Variants in ATG10 observed in about 807,000 individuals in gnomAD.
The protein encoded by ATG10 is ubiquitin-like-conjugating enzyme ATG10.
ATG10 carries 30 observed loss-of-function variants against 32.1 expected under a neutral mutation model. The observed-to-expected ratio is 0.94, with a 90% CI of 0.70 to 1.27. ATG10 has a LOEUF of 1.27. ATG10 is among the 50% of genes most tolerant of loss of function. ATG10 has a pLI of 0.00. For missense variants in ATG10, 233 were observed against 262.3 expected (o/e 0.89, Z 0.77); for synonymous variants, 87 against 91.5 (o/e 0.95, Z 0.28).
intron 5 of ATG10, among the ~76,000 whole-genome samples, chr5:82,181,343 A>G (rs1744225292): frequency 6.6e-6 from 1 of 152,170 alleles, no homozygotes; most frequent in Admixed American, 6.6e-5. Context: ...CAGACCAAGT[A>G]GGGGAAACTC....
intron 2 of ATG10, among the ~76,000 whole-genome samples, chr5:82,018,747 C>T (rs1762358886): frequency 6.6e-6 from 1 of 152,152 alleles, no homozygotes; most frequent in Admixed American, 6.5e-5. Context: ...TGCTCACATG[C>T]CACCTCCTTA....
chr5:82,021,321 T>C (rs778669245), intron 2 of ATG10, among the ~76,000 whole-genome samples: 6 of 152,282 alleles, frequency 3.9e-5, no homozygotes, highest in Non-Finnish European at 7.4e-5. Flanking sequence ...ACTTTTATTA[T>C]ATAGTCATCC....
rs369013665 is a variant in ATG10, at chr5:82,077,916, G to A, written c.216+19314G>A. 5.3e-5 allele frequency among the ~76,000 whole-genome samples: 8 copies of A among 152,320 alleles called. No individual in the cohort carries two copies. In the East Asian group the frequency reaches 1.5e-3, roughly 29 times the overall value. On this transcript the variant is annotated intron_variant, in intron 3 of 7. Transcript: ENST00000282185. Reference sequence around the variant, plus strand: ...TATAGGTTCTGATCTTTCACTGACTGTAGTACAAGTAAGGGATGAAATCAC... The same window carrying A: ...TATAGGTTCTGATCTTTCACTGACTATAGTACAAGTAAGGGATGAAATCAC...
chr5:82,084,111 A>C (rs1285164980), intron 3 of ATG10, among the ~76,000 whole-genome samples: 1 of 152,208 alleles, frequency 6.6e-6, no homozygotes, highest in Non-Finnish European at 1.5e-5. Flanking sequence ...GGCTAACTAG[A>C]ATAAACAGTG....
At chr5:82,045,799 T>C (rs1763218245) in intron 2 of ATG10, among the ~76,000 whole-genome samples, 1 of 152,130 alleles carries the variant, frequency 6.6e-6, no homozygotes, top group African/African-American at 2.4e-5. Flanking sequence ...CTTCCCTTCT[T>C]GTCCCTCCTC....
intron 3 of ATG10, among the ~76,000 whole-genome samples, chr5:82,131,607 T>C (rs1161971575): frequency 1.3e-5 from 2 of 150,908 alleles, no homozygotes; most frequent in East Asian, 2.0e-4. Context: ...ATCCAACTTA[T>C]GGAGGAGAGA....
intron 5 of ATG10, among the ~76,000 whole-genome samples, chr5:82,249,565 A>G (rs1287848338): frequency 6.6e-6 from 1 of 152,162 alleles, no homozygotes; most frequent in African/African-American, 2.4e-5. Flanking sequence ...GTATTATCTC[A>G]TTGAAGGGTC....
intron 4 of ATG10, among the ~76,000 whole-genome samples, chr5:82,167,179 C>CCATGT (rs940957232): frequency 6.6e-5 from 10 of 152,096 alleles, no homozygotes; most frequent in African/African-American, 1.9e-4. Context: ...CTTGTCGCTC[C>CCATGT]CATGTCATGT....
chr5:81,999,143 CAAAA>C (rs370637760), intron 2 of ATG10, among the ~76,000 whole-genome samples: 7 of 116,534 alleles, frequency 6.0e-5, no homozygotes, highest in Non-Finnish European at 9.1e-5. Context: ...AATCCTCAGC[CAAAA>C]AAAAAAAAAA....
chr5:81,981,488 C>T (rs1761046799), intron 1 of ATG10, among the ~76,000 whole-genome samples: 1 of 152,022 alleles, frequency 6.6e-6, no homozygotes, highest in Non-Finnish European at 1.5e-5. Flanking sequence ...ATGTTTAACT[C>T]TCCTACCTGA....
intron 3 of ATG10, among the ~76,000 whole-genome samples, chr5:82,083,981 A>G (rs543851435): frequency 1.3e-4 from 20 of 152,314 alleles, no homozygotes; most frequent in East Asian, 3.9e-4. Context: ...GAGAATGACT[A>G]TGACGCGTTG....
chr5:81,993,383 CT>C (rs1355845000), intron 2 of ATG10, among the ~76,000 whole-genome samples: 4,136 of 84,898 alleles, frequency 0.049, 629 homozygotes, highest in African/African-American at 0.17. Context: ...CTTTTCTTTT[CT>C]TTTCTTTTTT....
intron 1 of ATG10, among the ~76,000 whole-genome samples, chr5:81,978,962 C>T (rs1006270858): frequency 3.3e-5 from 5 of 151,946 alleles, no homozygotes; most frequent in Non-Finnish European, 5.9e-5. Context: ...TGCAGTGGCA[C>T]AATCTTAGCT....
chr5:82,137,450 T>C (rs995491681), intron 3 of ATG10, among the ~76,000 whole-genome samples: 1 of 152,252 alleles, frequency 6.6e-6, no homozygotes, highest in African/African-American at 2.4e-5. Flanking sequence ...TGTTTCTTAC[T>C]GTCCTTCTAA....
At chr5:82,192,484 A>T (rs1462426225) in intron 5 of ATG10, among the ~76,000 whole-genome samples, 1 of 152,188 alleles carries the variant, frequency 6.6e-6, no homozygotes, top group Non-Finnish European at 1.5e-5. Flanking sequence ...TGGGCTCTGG[A>T]GTCAGAAACA....
intron 5 of ATG10, among the ~76,000 whole-genome samples, chr5:82,228,793 G>A (rs1217032103): frequency 6.6e-6 from 1 of 152,178 alleles, no homozygotes; most frequent in Non-Finnish European, 1.5e-5. Context: ...TTTAGGTGAT[G>A]CAAACAAGTT....
intron 2 of ATG10, among the ~76,000 whole-genome samples, chr5:81,988,166 T>C (rs1761344320): frequency 1.3e-5 from 2 of 152,202 alleles, no homozygotes; most frequent in Admixed American, 1.3e-4. Flanking sequence ...TGAGATCATC[T>C]CACTCTGTCC....
chr5:82,212,695 A>G (rs1478702771), intron 5 of ATG10, among the ~76,000 whole-genome samples: 1 of 152,190 alleles, frequency 6.6e-6, no homozygotes, highest in Non-Finnish European at 1.5e-5. Flanking sequence ...ATACAACTTT[A>G]ATGAAGGTCA....
In ATG10 at chr5:82,243,275, C is replaced by T. The variant is rs1403427661; in HGVS notation, c.454-9287C>T. Among the ~76,000 whole-genome samples the T allele has an allele frequency of 3.3e-5, 5 of 151,488 alleles. No individual in the cohort carries two copies. The East Asian group carries it at 9.6e-4, about 29-fold the overall frequency. ...GAAAAAAGAAAAGGAAAGGAAGAAA[C>T]ATTAAAAATAGAATGAGTAAAATGT... On this transcript the variant is annotated intron_variant, in intron 5 of 7. Transcript: ENST00000282185.
Sources: allele counts gnomAD v4.1 joint callset (sites outside exome capture counted in the v4.1 genomes callset), GRCh38; gene constraint gnomAD v4.1.1; transcripts MANE v1.5; gene names NCBI Gene and HGNC (gene_info 2026-07-23, HGNC 2026-07-21).